The following NEGR1 variants were observed in gnomAD, a reference collection of about 807,000 sequenced individuals.
NEGR1 encodes the protein IgLON family member 4.
In NEGR1, 10 loss-of-function variants were observed where a neutral mutation model predicts 40.9. The ratio of observed to expected loss-of-function variants is 0.24; its 90% CI spans 0.15 to 0.42. The LOEUF is 0.42. Among genes scored for constraint, NEGR1 ranks in the 10% least tolerant of loss-of-function variants. NEGR1 has a pLI of 1.00. For synonymous variants in NEGR1, 185 were observed against 166.8 expected (o/e 1.11, Z -0.84); for missense variants, 352 against 438.9 (o/e 0.80, Z 1.77).
chr1:71,921,038 G>A (rs998314350), intron 2 of NEGR1, among the ~76,000 whole-genome samples: 1 of 152,090 alleles, frequency 6.6e-6, no homozygotes, highest in Admixed American at 6.6e-5. Flanking sequence ...ATAAATGCCA[G>A]CATTTAATAA....
At chr1:71,818,251 A>G (rs903107418) in intron 2 of NEGR1, among the ~76,000 whole-genome samples, 1 of 152,046 alleles carries the variant, frequency 6.6e-6, no homozygotes, top group Non-Finnish European at 1.5e-5. Context: ...TCACCACAGA[A>G]CTATTCACAA....
chr1:71,462,252 C>G (rs974086284), intron 6 of NEGR1, among the ~76,000 whole-genome samples: 1 of 152,076 alleles, frequency 6.6e-6, no homozygotes, highest in Non-Finnish European at 1.5e-5. Context: ...GTTAGAGATG[C>G]CTTTTATTCT....
At chr1:72,242,330 G>A (rs2100516098) in intron 1 of NEGR1, among the ~76,000 whole-genome samples, 1 of 151,642 alleles carries the variant, frequency 6.6e-6, no homozygotes, top group East Asian at 1.9e-4. Flanking sequence ...TCACATAAAT[G>A]TAATTTTTGC....
At chr1:71,627,565 A>G (rs1323182582) in intron 4 of NEGR1, among the ~76,000 whole-genome samples, 1 of 152,018 alleles carries the variant, frequency 6.6e-6, no homozygotes, top group Non-Finnish European at 1.5e-5. Context: ...AACAATTATT[A>G]TCTATTTCTC....
intron 4 of NEGR1, among the ~76,000 whole-genome samples, chr1:71,697,047 T>A (rs1011577801): frequency 6.6e-6 from 1 of 151,782 alleles, no homozygotes; most frequent in East Asian, 1.9e-4. Flanking sequence ...TTGAAAGTTA[T>A]TTTTTGGCCC....
chr1:71,583,484 T>C (rs767560768), intron 6 of NEGR1, among the ~76,000 whole-genome samples: 4 of 152,140 alleles, frequency 2.6e-5, no homozygotes, highest in Non-Finnish European at 5.9e-5. Flanking sequence ...ACCCTTTCAA[T>C]TTATCCTTTT....
chr1:72,258,081 G>A (rs1044951157), intron 1 of NEGR1, among the ~76,000 whole-genome samples: 4 of 152,060 alleles, frequency 2.6e-5, no homozygotes, highest in Non-Finnish European at 5.9e-5. Flanking sequence ...CATTCATGCC[G>A]GTATTCTTAA....
chr1:72,179,616 A>G (rs1231309129), intron 1 of NEGR1, among the ~76,000 whole-genome samples: 2 of 152,120 alleles, frequency 1.3e-5, no homozygotes, highest in African/African-American at 4.8e-5. Flanking sequence ...AGTTTAATAA[A>G]TATCTATAAG....
At chr1:71,779,417 T>C (rs1656622015) in intron 2 of NEGR1, among the ~76,000 whole-genome samples, 1 of 152,166 alleles carries the variant, frequency 6.6e-6, no homozygotes, top group Non-Finnish European at 1.5e-5. Flanking sequence ...TCCTTTCCCA[T>C]TTTACAGGAG....
chr1:72,202,054 C>G (rs1343082851), intron 1 of NEGR1, among the ~76,000 whole-genome samples: 2 of 151,894 alleles, frequency 1.3e-5, no homozygotes, highest in Non-Finnish European at 2.9e-5. Context: ...ACCTGGATTA[C>G]CAAAATTACC....
intron 1 of NEGR1, among the ~76,000 whole-genome samples, chr1:72,171,071 G>A (rs1651946280): frequency 6.6e-6 from 1 of 152,092 alleles, no homozygotes; most frequent in Non-Finnish European, 1.5e-5. Context: ...TGCCAAAATA[G>A]GCTATGAGGG....
intron 4 of NEGR1, among the ~76,000 whole-genome samples, chr1:71,683,929 T>C (rs987829125): frequency 6.6e-6 from 1 of 152,172 alleles, no homozygotes. Flanking sequence ...AGATAAACAA[T>C]GTAAAAATTC....
intron 1 of NEGR1, among the ~76,000 whole-genome samples, chr1:72,179,158 T>A (rs1226180889): frequency 6.6e-6 from 1 of 152,098 alleles, no homozygotes; most frequent in African/African-American, 2.4e-5. Flanking sequence ...AAATCTTTAA[T>A]CCATCTTGAG....
chr1:72,237,573 C>T (rs1218718560), intron 1 of NEGR1, among the ~76,000 whole-genome samples: 1 of 151,888 alleles, frequency 6.6e-6, no homozygotes, highest in Non-Finnish European at 1.5e-5. Context: ...ATATTCAGAT[C>T]ATAGCCAATT....
In NEGR1 at chr1:71,590,925, G is replaced by T. The variant is rs989837431; in HGVS notation, c.940+1892C>A. Among the ~76,000 whole-genome samples the T allele has an allele frequency of 2.6e-5, 4 of 152,196 alleles. No individual in the cohort carries two copies. The East Asian group carries it at 7.7e-4, about 29-fold the overall frequency. The stretch of plus-strand genomic sequence containing the variant: ...ACTCCTTGCTTATTAAATAGCAGGT[G>T]CTGTGCTTGGTGATATGGGAAATAA... On this transcript the variant is annotated intron_variant, in intron 6 of 6. Coordinates refer to ENST00000357731, the MANE Select transcript of NEGR1 (RefSeq NM_173808.3).
intron 6 of NEGR1, among the ~76,000 whole-genome samples, chr1:71,538,714 C>T (rs770639393): frequency 3.3e-5 from 5 of 151,804 alleles, no homozygotes; most frequent in East Asian, 2.0e-4. Flanking sequence ...GCAGAGGCTT[C>T]GTGCATGGAG....
intron 1 of NEGR1, among the ~76,000 whole-genome samples, chr1:71,980,541 G>C (rs1463358003): frequency 6.6e-6 from 1 of 152,018 alleles, no homozygotes; most frequent in Non-Finnish European, 1.5e-5. Context: ...ATCCCTACTG[G>C]AACACAGCAT....
intron 1 of NEGR1, among the ~76,000 whole-genome samples, chr1:71,959,206 C>T (rs1258030514): frequency 6.6e-6 from 1 of 152,028 alleles, no homozygotes; most frequent in African/African-American, 2.4e-5. Context: ...AATTCATCTA[C>T]CTAAAATCTA....
intron 1 of NEGR1, among the ~76,000 whole-genome samples, chr1:72,240,575 C>T (rs116183090): frequency 0.018 from 2,666 of 151,870 alleles, 82 homozygotes; most frequent in African/African-American, 0.061. Flanking sequence ...AAAGCACAAT[C>T]AAAACAATGG....
Sources: allele counts gnomAD v4.1 joint callset (sites outside exome capture counted in the v4.1 genomes callset), GRCh38; gene constraint gnomAD v4.1.1; transcripts MANE v1.5; gene names NCBI Gene and HGNC (gene_info 2026-07-23, HGNC 2026-07-21).